PRR5L: variants seen among roughly 807,000 people sequenced by gnomAD.
The protein encoded by PRR5L is proline-rich protein 5-like.
A neutral mutation model predicts 36.4 loss-of-function variants in PRR5L; 21 were observed. The ratio of observed to expected loss-of-function variants is 0.58; its 90% CI spans 0.41 to 0.83. PRR5L has a LOEUF of 0.83. Ranked by LOEUF, PRR5L falls within the 40% of genes least tolerant of loss-of-function variation. PRR5L has a pLI of 0.00. For missense variants in PRR5L, 381 were observed against 473.3 expected (o/e 0.80, Z 1.81); for synonymous variants, 188 against 197.0 (o/e 0.95, Z 0.38).
intron 8 of PRR5L, among the ~76,000 whole-genome samples, chr11:36,452,957 T>G (rs1858974177): frequency 6.6e-6 from 1 of 152,238 alleles, no homozygotes; most frequent in Non-Finnish European, 1.5e-5. Flanking sequence ...GAATTCCAGC[T>G]TATATAGCAT....
intron 1 of PRR5L, among the ~76,000 whole-genome samples, chr11:36,326,865 A>G (rs938415780): frequency 6.6e-6 from 1 of 152,200 alleles, no homozygotes; most frequent in Non-Finnish European, 1.5e-5. Flanking sequence ...CACCTCACCT[A>G]GTTAGGGGCA....
At chr11:36,441,911 C>T (rs1858730855) in intron 6 of PRR5L, among the ~76,000 whole-genome samples, 3 of 152,138 alleles carry the variant, frequency 2.0e-5, no homozygotes, top group Admixed American at 1.3e-4. Flanking sequence ...GCACTTTGAG[C>T]CACTGCTGGA....
chr11:36,453,523 C>T (rs1157767822), intron 8 of PRR5L, among the ~76,000 whole-genome samples: 3 of 152,120 alleles, frequency 2.0e-5, no homozygotes, highest in Admixed American at 2.0e-4. Flanking sequence ...GCACTAGGGG[C>T]GGGGAGGGAA....
At chr11:36,402,841 C>T (rs1857826284) in intron 2 of PRR5L, among the ~76,000 whole-genome samples, 3 of 152,220 alleles carry the variant, frequency 2.0e-5, no homozygotes, top group South Asian at 4.1e-4. Context: ...GAAATTCTTC[C>T]AAGGAAAGTG....
intron 1 of PRR5L, among the ~76,000 whole-genome samples, chr11:36,319,974 G>C (rs986224078): frequency 2.7e-4 from 41 of 152,112 alleles, no homozygotes; most frequent in Non-Finnish European, 4.6e-4. Context: ...GGGAAAATTA[G>C]GGGACTCTAT....
intron 2 of PRR5L, among the ~76,000 whole-genome samples, 185 bp from the exon 3 acceptor site, chr11:36,403,113 G>A (rs1857833068): frequency 6.6e-6 from 1 of 152,228 alleles, no homozygotes; most frequent in African/African-American, 2.4e-5. Context: ...CTGCTTTTGA[G>A]TCCTTTCGCC....
rs1404221483 is a variant in PRR5L, at chr11:36,394,481, C to T, written c.-125-6516C>T. The T allele has an allele frequency of 2.6e-5, 4 of 152,214 alleles. No individual in the cohort carries two copies. In the East Asian group the frequency reaches 7.7e-4, roughly 29 times the overall value. 9.4% of individuals were successfully genotyped at this position (152,214 alleles called of 1,614,324 possible). On this transcript the variant is annotated intron_variant, in intron 1 of 8. Coordinates refer to ENST00000530639, the MANE Select transcript of PRR5L (RefSeq NM_001160167.2). ...GGCTGCTATAACAAATGACCACAGC[C>T]TTCATGGCTTCAAACAACAGAAATT...
At chr11:36,304,701 C>T (rs1439203518) in intron 1 of PRR5L, among the ~76,000 whole-genome samples, 1 of 152,204 alleles carries the variant, frequency 6.6e-6, no homozygotes, top group Non-Finnish European at 1.5e-5. Context: ...ATTTTGGACA[C>T]TTACTAAGCC....
At chr11:36,384,124 A>C (rs1282012036) in intron 1 of PRR5L, among the ~76,000 whole-genome samples, 2 of 152,166 alleles carry the variant, frequency 1.3e-5, no homozygotes, top group Non-Finnish European at 2.9e-5. Flanking sequence ...AACACCTTGG[A>C]TACACCTTGA....
intron 4 of PRR5L, among the ~76,000 whole-genome samples, chr11:36,424,562 G>C (rs1306979367): frequency 6.6e-6 from 1 of 152,216 alleles, no homozygotes; most frequent in Non-Finnish European, 1.5e-5. Flanking sequence ...AACTGAGTTG[G>C]AAGCGTCGGG....
intron 1 of PRR5L, among the ~76,000 whole-genome samples, chr11:36,379,865 G>A (rs1357798600): frequency 6.6e-6 from 1 of 152,192 alleles, no homozygotes; most frequent in Admixed American, 6.5e-5. Context: ...CTGTGAGTCA[G>A]GTATAGCTAT....
chr11:36,388,193 C>T (rs1212502528), intron 1 of PRR5L: 2 of 152,216 alleles, frequency 1.3e-5, no homozygotes, highest in Non-Finnish European at 2.9e-5. Context: ...TATTTGCTAG[C>T]CCATATGTTC....
intron 1 of PRR5L, among the ~76,000 whole-genome samples, chr11:36,357,659 C>A (rs1274590450): frequency 6.6e-6 from 1 of 152,064 alleles, no homozygotes; most frequent in Non-Finnish European, 1.5e-5. Context: ...CATCTGCTTA[C>A]AGCATGTTTT....
Position 36,316,467 on chromosome 11 carries a change from T to C in PRR5L, c.-126+20029T>C, listed in dbSNP as rs1856558534. The stretch of plus-strand genomic sequence containing the variant: ...TCCCAGAGCATTTGGGGATGGGATT[T>C]TTTAAAGAGAATTTAGCAAGTAGGG... On this transcript the variant is annotated intron_variant, in intron 1 of 8. Coordinates refer to ENST00000530639, the MANE Select transcript of PRR5L (RefSeq NM_001160167.2). Among the ~76,000 whole-genome samples the C allele has an allele frequency of 2.0e-5, 3 of 152,314 alleles. No homozygotes were observed. The South Asian group carries it at 6.2e-4, about 32-fold the overall frequency.
intron 1 of PRR5L, among the ~76,000 whole-genome samples, chr11:36,303,018 G>A (rs569727526): frequency 6.6e-6 from 1 of 152,144 alleles, no homozygotes; most frequent in Non-Finnish European, 1.5e-5. Flanking sequence ...GTCAGGATTC[G>A]AGCCCAGGCA....
At chr11:36,330,414 A>G (rs541168892) in intron 1 of PRR5L, among the ~76,000 whole-genome samples, 1 of 152,306 alleles carries the variant, frequency 6.6e-6, no homozygotes, top group African/African-American at 2.4e-5. Context: ...TATCTCCTCT[A>G]TTAGTTCTGG....
At chr11:36,388,454 T>G (rs755934359) in intron 1 of PRR5L, among the ~76,000 whole-genome samples, 7 of 152,190 alleles carry the variant, frequency 4.6e-5, no homozygotes, top group Non-Finnish European at 1.0e-4. Flanking sequence ...TTCATGTTTC[T>G]GAATTCAAAA....
rs1221699198 is a variant in PRR5L, at chr11:36,462,620, C to G, written c.991C>G (p.Pro331Ala). The change falls in exon 9 of 9, where the codon CCG becomes GCG. Residue 331 changes from proline to alanine, a missense_variant. Transcript: ENST00000530639. The stretch of plus-strand genomic sequence containing the variant: ...CCTGCTCCTGCCACCCAGCTTCCCC[C>G]CGCCCCACCGGCAGTGCTCCAGTGA... ...KCLLLPPSFP[P>A]PHRQCSSEPN... The G allele has an allele frequency of 6.2e-7, 1 of 1,612,394 alleles. No homozygotes were observed. The highest frequency in any genetic ancestry group is 8.5e-7 in the Non-Finnish European group (1 of 1,179,934).
intron 1 of PRR5L, among the ~76,000 whole-genome samples, chr11:36,306,412 A>G (rs1209260423): frequency 6.6e-6 from 1 of 152,146 alleles, no homozygotes; most frequent in Admixed American, 6.5e-5. Flanking sequence ...AAGGACATGA[A>G]CTCATCCTTT....
Sources: allele counts gnomAD v4.1 joint callset (sites outside exome capture counted in the v4.1 genomes callset), GRCh38; gene constraint gnomAD v4.1.1; transcripts MANE v1.5; gene names NCBI Gene and HGNC (gene_info 2026-07-23, HGNC 2026-07-21).